The following EFHB variants were observed in gnomAD, a reference collection of about 807,000 sequenced individuals.
EFHB encodes EF-hand domain family member B.
EFHB carries 91 observed loss-of-function variants against 87.2 expected under a neutral mutation model. That is an observed-to-expected ratio of 1.04 (90% CI 0.88 to 1.24). The LOEUF is 1.24. Ranked by LOEUF, EFHB falls within the 50% of genes most tolerant of loss-of-function variation. EFHB has a pLI of 0.00. For missense variants in EFHB, 1,084 were observed against 998.8 expected, an observed-to-expected ratio of 1.09 and a Z score of -1.15; for synonymous variants, 325 against 333.6, an observed-to-expected ratio of 0.97 and a Z score of 0.28.
chr3:19,923,122 C>G (rs1382270862), intron 1 of EFHB, among the ~76,000 whole-genome samples: 1 of 152,036 alleles, frequency 6.6e-6, no homozygotes, highest in African/African-American at 2.4e-5. Context: ...TAAAAATTAG[C>G]CAGGCATGGT....
rs959387311 is a variant in EFHB at position 19,940,447 on chromosome 3, C to A, written c.-31-4113G>T. On this transcript the variant is annotated intron_variant, in intron 1 of 14. Transcript: ENST00000344838. ...CTCAACAGCCTGATTCTTATCTATCCAGTTAATAATTTCATTACGCCTGAC... is the reference window on the plus strand; with the variant it reads ...CTCAACAGCCTGATTCTTATCTATCAAGTTAATAATTTCATTACGCCTGAC... The A allele has an allele frequency of 1.0e-5, 5 of 483,140 alleles. No individual in the cohort carries two copies. The Admixed American group carries it at 1.1e-4, about 11-fold the overall frequency. 29.9% of individuals were successfully genotyped at this position (483,140 alleles called of 1,614,324 possible).
At chr3:19,911,928 T>C (rs994665885) in intron 5 of EFHB, among the ~76,000 whole-genome samples, 3 of 152,090 alleles carry the variant, frequency 2.0e-5, no homozygotes, top group Admixed American at 6.5e-5. Flanking sequence ...CTGAGCAACA[T>C]AGTGAGACTA....
At chr3:19,931,333 G>A (rs1270529322) in intron 1 of EFHB, among the ~76,000 whole-genome samples, 4 of 152,242 alleles carry the variant, frequency 2.6e-5, no homozygotes, top group Non-Finnish European at 4.4e-5. Flanking sequence ...GGTATGCGAA[G>A]TGGGAGGAAG....
chr3:19,931,179 C>CA (rs960325363), intron 1 of EFHB, among the ~76,000 whole-genome samples: 2 of 151,808 alleles, frequency 1.3e-5, no homozygotes, highest in African/African-American at 4.8e-5. Context: ...CAAAACAAAA[C>CA]AAAAAAACCC....
intron 1 of EFHB, among the ~76,000 whole-genome samples, chr3:19,921,591 G>T (rs549780253): frequency 6.1e-4 from 92 of 151,930 alleles, no homozygotes; most frequent in Non-Finnish European, 1.2e-3. Context: ...AGGCTGGGGG[G>T]GCCAAGATGG....
chr3:19,915,424 A>G lies in EFHB; in HGVS notation c.1178-11T>C. 6.4e-7 allele frequency: 1 copy of G among 1,563,390 alleles called. No individual in the cohort carries two copies. Among genetic ancestry groups the G allele is most frequent in the Non-Finnish European group, 8.8e-7 (1 of 1,140,152 alleles). On this transcript the variant is annotated splice_polypyrimidine_tract_variant and intron_variant, in intron 4 of 12. Coordinates refer to ENST00000295824, the MANE Select transcript of EFHB (RefSeq NM_144715.4). ...CTTTAGCAGAGTATTCTGAAGGAAGAATTAATAAAATCAGTTCCAAGTCAC... is the reference window on the plus strand; with the variant it reads ...CTTTAGCAGAGTATTCTGAAGGAAGGATTAATAAAATCAGTTCCAAGTCAC...
At chr3:19,886,475 G>T (rs1018489971) in intron 10 of EFHB, among the ~76,000 whole-genome samples, 3 of 151,952 alleles carry the variant, frequency 2.0e-5, no homozygotes, top group African/African-American at 7.3e-5. Flanking sequence ...TGGATGCAGT[G>T]GCTCATGCCT....
At chr3:19,936,631 G>A (rs530565836), upstream of EFHB, among the ~76,000 whole-genome samples, 1 of 152,218 alleles carries the variant, frequency 6.6e-6, no homozygotes, top group Admixed American at 6.5e-5. Context: ...ACTGTGGGAG[G>A]CCTAGGCGGG....
At chr3:19,911,493 G>C (rs1484295680) in intron 5 of EFHB, among the ~76,000 whole-genome samples, 1 of 152,000 alleles carries the variant, frequency 6.6e-6, no homozygotes, top group Admixed American at 6.6e-5. Context: ...GGGAGGCAGA[G>C]GTTGCAGTGA....
chr3:19,908,590 GAGAGAGAGAGAAAGAAAGAAAGAAAGAA>G (rs1694933129), intron 5 of EFHB, among the ~76,000 whole-genome samples: 3 of 111,184 alleles, frequency 2.7e-5, no homozygotes, highest in South Asian at 2.8e-4. Context: ...GAGAGAGAGA[GAGAGAGAGAGAAAGAAAGAAAGAAAGAA>G]AGAAAGAAAG....
At chr3:19,946,523 A>G (rs1266916819) in intron 1 of EFHB, among the ~76,000 whole-genome samples, 1 of 152,192 alleles carries the variant, frequency 6.6e-6, no homozygotes, top group Non-Finnish European at 1.5e-5. Flanking sequence ...CCCCTACCAA[A>G]ACCACGTAAA....
intron 1 of EFHB, chr3:19,940,473 A>C: frequency 2.0e-6 from 1 of 500,438 alleles, no homozygotes; most frequent in Admixed American, 2.1e-5. Flanking sequence ...TACGCCTGAC[A>C]AGAATCTTCT....
In EFHB at chr3:19,915,277, C is replaced by G. The variant is rs1055022806; in HGVS notation, c.1288+26G>C. On this transcript the variant is annotated intron_variant, in intron 5 of 12. Coordinates refer to ENST00000295824, the MANE Select transcript of EFHB (RefSeq NM_144715.4). ...AATCCGAGAGTCCCATATCCTCAGGCCCATTTTGCATCGGAGGACACTTAC... is the reference window on the plus strand; with the variant it reads ...AATCCGAGAGTCCCATATCCTCAGGGCCATTTTGCATCGGAGGACACTTAC... 4 of 1,502,862 alleles carry G rather than the reference C, an allele frequency of 2.7e-6. No homozygotes were observed. In the South Asian group the frequency reaches 3.5e-5, roughly 13 times the overall value. 93.1% of individuals were successfully genotyped at this position (1,502,862 alleles called of 1,614,324 possible).
intron 4 of EFHB, among the ~76,000 whole-genome samples, chr3:19,915,757 T>TA (rs58066421): frequency 0.021 from 3,026 of 141,370 alleles, 73 homozygotes; most frequent in East Asian, 0.1. Context: ...CCATTTCTAC[T>TA]AAAAAAAAAA....
At chr3:19,925,791 A>G (rs1695604096) in intron 1 of EFHB, among the ~76,000 whole-genome samples, 1 of 152,132 alleles carries the variant, frequency 6.6e-6, no homozygotes, top group South Asian at 2.1e-4. Context: ...ACAGACCCAT[A>G]ATCATCACAC....
At chr3:19,887,283 G>T (rs182032435) in intron 10 of EFHB, among the ~76,000 whole-genome samples, 1 of 151,470 alleles carries the variant, frequency 6.6e-6, no homozygotes, top group African/African-American at 2.4e-5. Flanking sequence ...TACTCTGGAG[G>T]CTGAGGCACG....
chr3:19,937,024 C>T (rs1193333685), upstream of EFHB, among the ~76,000 whole-genome samples: 1 of 151,642 alleles, frequency 6.6e-6, no homozygotes, highest in African/African-American at 2.4e-5. Context: ...CAAAAATTAA[C>T]TGGGCATTGT....
intron 1 of EFHB, chr3:19,946,359 T>C (rs1409355120): frequency 6.6e-6 from 1 of 152,242 alleles, no homozygotes; most frequent in Admixed American, 6.5e-5. Flanking sequence ...AATTCGAATG[T>C]AGGGAACAGA....
At chr3:19,936,308 C>T, upstream of EFHB, 1 of 580,152 alleles carries the variant, frequency 1.7e-6, no homozygotes, top group Non-Finnish European at 3.1e-6. Context: ...CATCATTGCA[C>T]CATTGCATGC....
Sources: gnomAD v4.1 joint callset for allele counts (sites outside exome capture counted in the v4.1 genomes callset) on GRCh38, gnomAD v4.1.1 for gene constraint, MANE v1.5 for transcripts, NCBI Gene and HGNC (gene_info 2026-07-23, HGNC 2026-07-21) for gene names.